The following OFD1 variants were observed in gnomAD, a reference collection of about 807,000 sequenced individuals.
OFD1 encodes the protein OFD1 centriole and centriolar satellite protein, also known as centriole and centriolar satellite protein OFD1.
OFD1 carries 12 observed loss-of-function variants against 81.4 expected under a neutral mutation model. The ratio of observed to expected loss-of-function variants is 0.15; its 90% CI spans 0.09 to 0.24. The LOEUF (loss-of-function observed/expected upper bound fraction) is 0.24, where lower values mean the gene tolerates loss of function less well. Ranked by LOEUF, OFD1 falls within the 10% of genes least tolerant of loss-of-function variation. OFD1 has a pLI of 1.00. For missense variants in OFD1, 685 were observed against 733.9 expected, an observed-to-expected ratio of 0.93 and a Z score of 0.77; for synonymous variants, 256 against 263.7, an observed-to-expected ratio of 0.97 and a Z score of 0.28.
the OFD1 span, among the ~76,000 whole-genome samples, chrX:13,724,580 G>C: frequency 2.7e-5 from 3 of 111,551 alleles, no homozygotes; most frequent in East Asian, 8.5e-4. Context: ...ACAAGGTTAG[G>C]CAGGCTGCGA....
At chrX:13,760,019 ACT>A (rs1038359913) in intron 15 of OFD1, 94 bp from the exon 16 acceptor site, 13 of 1,073,598 alleles carry the variant, frequency 1.2e-5, no homozygotes, top group Admixed American at 4.4e-5. Context: ...TGTCCTTATT[ACT>A]CTCTTCCATT....
intron 6 of OFD1, 25 bp from the exon 7 acceptor site, chrX:13,746,294 A>G (rs758664161): frequency 2.5e-6 from 3 of 1,199,990 alleles, no homozygotes; most frequent in Non-Finnish European, 2.3e-6. Context: ...TCTATGTCCT[A>G]ATTTGATGTG....
At chrX:13,757,999 A>C (rs1030197048) in intron 14 of OFD1, among the ~76,000 whole-genome samples, 1 of 112,056 alleles carries the variant, frequency 8.9e-6, no homozygotes, top group Non-Finnish European at 1.9e-5. Flanking sequence ...ATGGAGAAGA[A>C]AGCAAACTCA....
chrX:13,716,368 A>G, the OFD1 span: 2 of 637,049 alleles, frequency 3.1e-6, no homozygotes, highest in South Asian at 5.9e-5. Context: ...ATTAAACAAA[A>G]TGTTTTTCCC....
At position 13,735,292 on chromosome X, in the gene OFD1, G is replaced by A. The variant is rs2046815449; in HGVS notation, c.57G>A (p.Leu19=). Residue 19 remains leucine, a synonymous_variant, in exon 2 of 23, where the codon CTG becomes CTA. Coordinates refer to ENST00000340096, the MANE Select transcript of OFD1 (RefSeq NM_003611.3). ...TVADVLSQDE[L]RKKLYQTFKD... ...CTGATGTGTTGAGTCAAGATGAACT[G>A]CGCAAAAAGCTATACCAGACGTTTA... is the stretch of plus-strand genomic sequence containing the variant. The A allele has an allele frequency of 8.3e-7, 1 of 1,211,656 alleles. No homozygotes were observed. The highest frequency in any genetic ancestry group is 1.7e-5 in the African/African-American group (1 of 57,826).
chrX:13,760,841 A>G (rs762053945), intron 16 of OFD1, 121 bp downstream of exon 16: 31 of 926,312 alleles, frequency 3.3e-5, no homozygotes, highest in Non-Finnish European at 4.7e-5. Flanking sequence ...TTTGGCACAC[A>G]GAGCTGTTTA....
intron 17 of OFD1, 75 bp from the exon 18 acceptor site, chrX:13,762,269 A>T (rs2047963948): frequency 1.5e-6 from 1 of 666,290 alleles, no homozygotes; most frequent in Admixed American, 2.3e-5. Flanking sequence ...CTTGAGTCAC[A>T]AAAGGCTTTT....
At chrX:13,752,363 C>T (rs763193680) in intron 10 of OFD1, among the ~76,000 whole-genome samples, 17 of 112,236 alleles carry the variant, frequency 1.5e-4, no homozygotes, top group African/African-American at 5.5e-4. Flanking sequence ...AAATGTGTCA[C>T]GAGGAAATGA....
At position 13,739,313 on chromosome X, in the gene OFD1, A is replaced by C. The variant is rs116542198; in HGVS notation, c.412+281A>C. The C allele has an allele frequency of 3.4e-3, 1,047 of 312,011 alleles. 9 individuals carry two copies. The highest frequency in any genetic ancestry group is 0.026 in the African/African-American group (961 of 36,739). 25.7% of individuals were successfully genotyped at this position (312,011 alleles called of 1,213,427 possible). ...TATTTCTGCAAAAAAAAAAAAAAAA[A>C]ACTAATAACTTTTAGGCCAAGTGTC... On this transcript the variant is annotated intron_variant, in intron 5 of 22. Coordinates refer to ENST00000340096, the MANE Select transcript of OFD1 (RefSeq NM_003611.3).
At chrX:13,773,310 C>CT (rs11305581), downstream of OFD1, 3,642 of 132,163 alleles carry the variant, frequency 0.028, 32 homozygotes, top group Non-Finnish European at 0.039. Flanking sequence ...CGAGAGGGTG[C>CT]TTTTTTTTTT....
At chrX:13,742,700 G>GT (rs1305634800) in intron 5 of OFD1, among the ~76,000 whole-genome samples, 2 of 110,581 alleles carry the variant, frequency 1.8e-5, no homozygotes, top group African/African-American at 6.6e-5. Flanking sequence ...ATTTTTTTGT[G>GT]TTTTCAATAG....
At chrX:13,747,798 A>G (rs1163033947) in intron 8 of OFD1, among the ~76,000 whole-genome samples, 1 of 111,567 alleles carries the variant, frequency 9.0e-6, no homozygotes, top group African/African-American at 3.3e-5. Flanking sequence ...CCCTGGGGTA[A>G]AGGAGTCACC....
chrX:13,770,792 G>GGC (rs1167143784), downstream of OFD1, among the ~76,000 whole-genome samples: 5 of 112,193 alleles, frequency 4.5e-5, no homozygotes, highest in Admixed American at 2.8e-4. Context: ...TTTAATTGCT[G>GGC]AAGAGATTTT....
the OFD1 span, among the ~76,000 whole-genome samples, chrX:13,714,984 T>C: frequency 8.9e-6 from 1 of 112,376 alleles, no homozygotes; most frequent in African/African-American, 3.2e-5. Flanking sequence ...TCATAACGCA[T>C]GACAGAAAAT....
In OFD1 at chrX:13,760,263, A is replaced by C. The variant is rs770394963; in HGVS notation, c.1803A>C (p.Ala601=). 8.3e-7 allele frequency: 1 copy of C among 1,211,900 alleles called. No individual in the cohort carries two copies. The highest frequency in any genetic ancestry group is 1.7e-5 in the African/African-American group (1 of 57,836). The change falls in exon 16 of 23, where the codon GCA becomes GCC. Residue 601 remains alanine (A), a synonymous_variant. Transcript: ENST00000340096. ...CTTTTAAACAGGAAAACGTTCTAGCACGTATGGTTGCATCAAGGATCACAA... is the reference window on the plus strand; with the variant it reads ...CTTTTAAACAGGAAAACGTTCTAGCCCGTATGGTTGCATCAAGGATCACAA... ...NNPFKQENVL[A]RMVASRITNY... is the part of the protein sequence containing the mutation.
At chrX:13,735,368 G>A (rs371501200) in intron 2 of OFD1, 22 bp downstream of exon 2, 3 of 1,129,698 alleles carry the variant, frequency 2.7e-6, no homozygotes, top group Non-Finnish European at 3.7e-6. Flanking sequence ...AGGCGTATCT[G>A]TGTCAGCTTT....
chrX:13,731,389 C>G (rs1385939141), upstream of OFD1, among the ~76,000 whole-genome samples: 1 of 111,919 alleles, frequency 8.9e-6, no homozygotes. Flanking sequence ...AATGTGAATC[C>G]CTAGATAAAA....
the OFD1 span, among the ~76,000 whole-genome samples, chrX:13,723,356 C>T: frequency 0.014 from 1,523 of 109,089 alleles, 26 homozygotes; most frequent in African/African-American, 0.048. Context: ...TTAGTAGAGA[C>T]GGGGATTCAC....
chrX:13,741,761 G>A (rs1333361989), intron 5 of OFD1, among the ~76,000 whole-genome samples: 4 of 111,689 alleles, frequency 3.6e-5, no homozygotes, highest in Non-Finnish European at 5.6e-5. Context: ...TTGTTAGCAG[G>A]GGAGGGGGTC....
Sources: gnomAD v4.1 joint callset for allele counts (sites outside exome capture counted in the v4.1 genomes callset) on GRCh38, gnomAD v4.1.1 for gene constraint, MANE v1.5 for transcripts, NCBI Gene and HGNC (gene_info 2026-07-23, HGNC 2026-07-21) for gene names.